The following UBR1 variants were observed in gnomAD, a reference collection of about 807,000 sequenced individuals.
The protein encoded by UBR1 is E3 ubiquitin-protein ligase UBR1.
A neutral mutation model predicts 242.1 loss-of-function variants in UBR1; 102 were observed. That is an observed-to-expected ratio of 0.42 (90% CI 0.36 to 0.50). UBR1 has a LOEUF of 0.50. Among genes scored for constraint, UBR1 ranks in the 20% least tolerant of loss-of-function variants. UBR1 has a pLI of 0.01. For missense variants in UBR1, 1,772 were observed against 2,101.8 expected, an observed-to-expected ratio of 0.84 and a Z score of 3.07; for synonymous variants, 675 against 684.8, an observed-to-expected ratio of 0.99 and a Z score of 0.22.
At chr15:43,099,952 T>G (rs548515443) in intron 1 of UBR1, among the ~76,000 whole-genome samples, 5 of 151,764 alleles carry the variant, frequency 3.3e-5, no homozygotes, top group Admixed American at 6.6e-5. Flanking sequence ...CTCAGCTCAC[T>G]GCAAGCTCCG....
rs544665134 is a variant in UBR1 at position 42,972,666 on chromosome 15, C to T, written c.4370-2059G>A. Among the ~76,000 whole-genome samples, 32 of 152,262 alleles carry T rather than the reference C, an allele frequency of 2.1e-4. 1 individual carries two copies. In the South Asian group the frequency reaches 4.4e-3, roughly 21 times the overall value. ...GATTACAGGTGTGAGTCACCGTGCC[C>T]GGCCGATAACTCATTTCTTTTTAGC... On this transcript the variant is annotated intron_variant, in intron 39 of 46. Coordinates refer to ENST00000290650, the MANE Select transcript of UBR1 (RefSeq NM_174916.3).
At chr15:43,074,831 T>C (rs2033867469) in intron 4 of UBR1, 148 bp downstream of exon 4, 3 of 663,366 alleles carry the variant, frequency 4.5e-6, no homozygotes, top group African/African-American at 1.8e-5. Flanking sequence ...TTAGTTTCTT[T>C]GGAGCTAGAA....
intron 42 of UBR1, among the ~76,000 whole-genome samples, chr15:42,962,551 G>A (rs560054634): frequency 6.6e-6 from 1 of 152,118 alleles, no homozygotes; most frequent in Admixed American, 6.6e-5. Context: ...GTGCAGTGGT[G>A]AGATCTCAGC....
intron 41 of UBR1, among the ~76,000 whole-genome samples, chr15:42,965,840 TA>T (rs1455799353): frequency 6.6e-6 from 1 of 152,212 alleles, no homozygotes; most frequent in Non-Finnish European, 1.5e-5. Flanking sequence ...TTCTCTTCTC[TA>T]AAGACAACCA....
intron 1 of UBR1, among the ~76,000 whole-genome samples, chr15:43,092,806 C>A (rs889841441): frequency 6.6e-6 from 1 of 152,200 alleles, no homozygotes; most frequent in African/African-American, 2.4e-5. Flanking sequence ...CCTGCCTTGG[C>A]CTCCCAAAGT....
chr15:43,081,417 C>CAAAAAAA (rs71108197), intron 3 of UBR1, among the ~76,000 whole-genome samples: 19 of 69,696 alleles, frequency 2.7e-4, no homozygotes, highest in East Asian at 4.0e-4. Flanking sequence ...CACCCCATCT[C>CAAAAAAA]AAAAAAAAAA....
intron 46 of UBR1, among the ~76,000 whole-genome samples, chr15:42,948,500 C>T (rs1053067555): frequency 2.0e-5 from 3 of 152,144 alleles, no homozygotes; most frequent in Non-Finnish European, 4.4e-5. Context: ...AGGCAACCTA[C>T]AAAATGGGAG....
At chr15:43,004,011 G>A in intron 30 of UBR1, 81 bp from the exon 31 acceptor site, 1 of 1,239,098 alleles carries the variant, frequency 8.1e-7, no homozygotes, top group South Asian at 1.2e-5. Context: ...TCTTAGGAAT[G>A]TCCAAGCAAA....
At position 43,059,647 on chromosome 15, in the gene UBR1, G is replaced by C. The variant is rs2033659264; in HGVS notation, c.985+55C>G. ...ACTCAATGACATTTTAAAATTTGTG[G>C]CTATAAAACACATAGTATTTTATCA... On this transcript the variant is annotated intron_variant, in intron 8 of 46. Coordinates refer to ENST00000290650, the MANE Select transcript of UBR1 (RefSeq NM_174916.3). The C allele has an allele frequency of 7.0e-5, 112 of 1,592,920 alleles. 3 individuals carry two copies. In the South Asian group the frequency reaches 1.3e-3, roughly 18 times the overall value.
intron 29 of UBR1, among the ~76,000 whole-genome samples, chr15:43,014,363 C>A (rs1448078074): frequency 6.6e-6 from 1 of 151,782 alleles, no homozygotes; most frequent in Non-Finnish European, 1.5e-5. Flanking sequence ...ATGTGAGGAG[C>A]CCCTCTGCCT....
intron 27 of UBR1, among the ~76,000 whole-genome samples, chr15:43,018,939 C>G (rs949989863): frequency 6.6e-6 from 1 of 152,152 alleles, no homozygotes; most frequent in East Asian, 1.9e-4. Context: ...AATGGTACCT[C>G]GATTTACTTT....
chr15:42,957,975 T>C (rs1301618533), intron 44 of UBR1, 38 bp downstream of exon 44: 1 of 1,546,838 alleles, frequency 6.5e-7, no homozygotes, highest in South Asian at 1.1e-5. Flanking sequence ...CAGAAAATGA[T>C]TTAAAATTAC....
At chr15:43,032,505 T>C (rs2033269419) in intron 20 of UBR1, 63 bp downstream of exon 20, 2 of 1,134,500 alleles carry the variant, frequency 1.8e-6, no homozygotes, top group African/African-American at 1.5e-5. Flanking sequence ...TTATAGTTCA[T>C]ATAAATGGTC....
chr15:43,096,738 C>T (rs988750922), intron 1 of UBR1, among the ~76,000 whole-genome samples: 3 of 152,212 alleles, frequency 2.0e-5, no homozygotes, highest in Non-Finnish European at 4.4e-5. Context: ...AGAAACAATT[C>T]CTCATCCATT....
At chr15:43,068,871 T>C (rs960489894) in intron 5 of UBR1, among the ~76,000 whole-genome samples, 1 of 152,186 alleles carries the variant, frequency 6.6e-6, no homozygotes. Context: ...TCCACCTGTC[T>C]CGGCCTGACT....
At chr15:43,100,025 G>A (rs560136946) in intron 1 of UBR1, among the ~76,000 whole-genome samples, 5 of 152,094 alleles carry the variant, frequency 3.3e-5, no homozygotes, top group Non-Finnish European at 7.4e-5. Flanking sequence ...ACAGGCGCCC[G>A]CCATCATGCC....
intron 19 of UBR1, among the ~76,000 whole-genome samples, chr15:43,033,458 A>T (rs2033284839): frequency 6.6e-6 from 1 of 152,080 alleles, no homozygotes; most frequent in African/African-American, 2.4e-5. Flanking sequence ...AGCCTGACCA[A>T]CATCGTGAAA....
chr15:43,004,429 GC>G (rs2032772940), intron 30 of UBR1, among the ~76,000 whole-genome samples: 1 of 152,022 alleles, frequency 6.6e-6, no homozygotes, highest in African/African-American at 2.4e-5. Context: ...AGTTGTGAAA[GC>G]CGAGGCTGGA....
At chr15:42,953,141 A>G (rs1286841330) in intron 44 of UBR1, among the ~76,000 whole-genome samples, 1 of 152,186 alleles carries the variant, frequency 6.6e-6, no homozygotes, top group African/African-American at 2.4e-5. Flanking sequence ...GGAAAAAGTG[A>G]TAGTGCTGAC....
Sources: allele counts gnomAD v4.1 joint callset (sites outside exome capture counted in the v4.1 genomes callset), GRCh38; gene constraint gnomAD v4.1.1; transcripts MANE v1.5; gene names NCBI Gene and HGNC (gene_info 2026-07-23, HGNC 2026-07-21).